POGLUT3: variants seen among roughly 807,000 people sequenced by gnomAD.
The protein encoded by POGLUT3 is KDEL (Lys-Asp-Glu-Leu) containing 2.
POGLUT3 carries 48 observed loss-of-function variants against 54.3 expected under a neutral mutation model. The observed-to-expected ratio is 0.88, with a 90% confidence interval of 0.70 to 1.12. The LOEUF (loss-of-function observed/expected upper bound fraction) is 1.12. POGLUT3 is among the 50% of genes most tolerant of loss of function. POGLUT3 has a pLI of 0.00. For synonymous variants in POGLUT3, 218 were observed against 237.4 expected (o/e 0.92, Z 0.75); for missense variants, 629 against 618.7 (o/e 1.02, Z -0.18).
intron 2 of POGLUT3, chr11:108,486,953 A>G (rs2093604614): frequency 6.5e-6 from 1 of 154,164 alleles, no homozygotes; most frequent in African/African-American, 2.4e-5. Flanking sequence ...CTAGCTGACC[A>G]GCATTAACAT....
chr11:108,492,752 T>C (rs2093615509), intron 1 of POGLUT3, among the ~76,000 whole-genome samples: 1 of 152,152 alleles, frequency 6.6e-6, no homozygotes, highest in African/African-American at 2.4e-5. Context: ...ACGAAATAAA[T>C]CTGCTAACCT....
Position 108,486,355 on chromosome 11 carries a change from C to T in POGLUT3, c.486G>A (p.Gln162=), listed in dbSNP as rs371818874. 79 of 1,614,048 alleles carry T rather than the reference C, an allele frequency of 4.9e-5. No homozygotes were observed. The highest frequency in any genetic ancestry group is 6.5e-5 in the Non-Finnish European group (77 of 1,180,038). Reference sequence around the variant, plus strand: ...GAAAGGAAGCAAAATCTTTTGCAATCTGTGGTTCCTTGGTTGGACAAGAAA... The same window carrying T: ...GAAAGGAAGCAAAATCTTTTGCAATTTGTGGTTCCTTGGTTGGACAAGAAA... ...KTLSCPTKEP[Q]IAKDFASFPS... The change falls in exon 3 of 8, where the codon CAG becomes CAA. Residue 162 remains glutamine, a synonymous_variant. Transcript: ENST00000323468.
intron 2 of POGLUT3, among the ~76,000 whole-genome samples, chr11:108,489,818 T>A (rs1330779021): frequency 6.6e-6 from 1 of 152,200 alleles, no homozygotes; most frequent in Non-Finnish European, 1.5e-5. Context: ...TGGTGGTATG[T>A]GCCTGCAGTC....
At position 108,472,476 on chromosome 11, in the gene POGLUT3, A is replaced by G. The variant is rs1422524841; in HGVS notation, c.*2351T>C. ...AGAAAGCCATTAACACTAACTCTTTAAAGGCTGCGGCTGAATTGGCGAGAT... is the reference window on the plus strand; with the variant it reads ...AGAAAGCCATTAACACTAACTCTTTGAAGGCTGCGGCTGAATTGGCGAGAT... On this transcript the variant is annotated 3_prime_UTR_variant, in exon 8 of 8. Transcript: ENST00000323468. 2.0e-5 allele frequency: 3 copies of G among 152,224 alleles called. No homozygotes were observed. Among genetic ancestry groups the G allele is most frequent in the Non-Finnish European group, 4.4e-5 (3 of 68,040 alleles). The allele number at this position is 152,224 out of a possible 1,614,324, so 9.4% of individuals were successfully genotyped here. A position where few individuals can be genotyped will look rare whatever the true frequency, so the allele number is the denominator to read the frequency against.
chr11:108,474,722 G>C lies in POGLUT3; in HGVS notation c.*105C>G. 7.5e-7 allele frequency: 1 copy of C among 1,333,762 alleles called. No individual in the cohort carries two copies. Among genetic ancestry groups the C allele is most frequent in the Admixed American group, 2.1e-5 (1 of 48,398 alleles). 82.6% of individuals were successfully genotyped at this position (1,333,762 alleles called of 1,614,324 possible). ...ATCTACATATATAAAGCCACCGGGA[G>C]AACTAGTCCACTTGGTGCAGTCTTC... On this transcript the variant is annotated 3_prime_UTR_variant, in exon 8 of 8. Coordinates refer to ENST00000323468, the MANE Select transcript of POGLUT3 (RefSeq NM_153705.5).
intron 1 of POGLUT3, 116 bp from the exon 2 acceptor site, chr11:108,491,283 TA>T (rs995240126): frequency 6.2e-4 from 478 of 764,856 alleles, no homozygotes; most frequent in South Asian, 7.4e-4. Context: ...CATTGGTGGT[TA>T]AAAAAAAATC....
In POGLUT3 at chr11:108,481,383, G is replaced by A. The variant is rs2093592228; in HGVS notation, c.902-7C>T. On this transcript the variant is annotated splice_polypyrimidine_tract_variant and splice_region_variant and intron_variant, in intron 4 of 7. Coordinates refer to ENST00000323468, the MANE Select transcript of POGLUT3 (RefSeq NM_153705.5). ...TTATTGATCCAGGAAGGCCCTACAA[G>A]TTTGAAGCCATAAAAAAATTAGGAT... The A allele has an allele frequency of 6.5e-7, 1 of 1,549,362 alleles. No homozygotes were observed. The highest frequency in any genetic ancestry group is 2.3e-5 in the Admixed American group (1 of 43,422).
Position 108,482,169 on chromosome 11 carries a change from C to A in POGLUT3, c.738G>T (p.Glu246Asp). 3 of 1,614,094 alleles carry A rather than the reference C, an allele frequency of 1.9e-6. No homozygotes were observed. The highest frequency in any genetic ancestry group is 2.5e-6 in the Non-Finnish European group (3 of 1,179,992). ...FYVNLGDWPLEHRKVNGTPSP... is the reference protein window; with the variant it reads ...FYVNLGDWPLDHRKVNGTPSP... ...TAGGGGTTCCATTGACTTTTCGATG[C>A]TCCAAGGGCCAATCTCCAAGATTAA... Residue 246 changes from glutamate (E) to aspartate (D), a missense_variant, in exon 4 of 8, where the codon GAG becomes GAT. By Grantham distance (45) the Glu-to-Asp change is conservative (BLOSUM62 2). Coordinates refer to ENST00000323468, the MANE Select transcript of POGLUT3 (RefSeq NM_153705.5).
intron 4 of POGLUT3, 59 bp downstream of exon 4, chr11:108,481,947 T>A (rs2093593475): frequency 7.5e-7 from 1 of 1,326,064 alleles, no homozygotes; most frequent in Non-Finnish European, 1.1e-6. Flanking sequence ...CATATATGTA[T>A]AACCCACTCT....
chr11:108,482,795 A>C (rs1421022077), intron 3 of POGLUT3, among the ~76,000 whole-genome samples: 1 of 152,184 alleles, frequency 6.6e-6, no homozygotes. Context: ...GTGTTAGAGA[A>C]GTGAAAATTG....
intron 5 of POGLUT3, among the ~76,000 whole-genome samples, chr11:108,480,895 CA>C (rs146910035): frequency 1.3e-3 from 167 of 130,362 alleles, no homozygotes; most frequent in African/African-American, 2.0e-3. Flanking sequence ...AAAGCAAATA[CA>C]AAAAAAAAAA....
Position 108,483,227 on chromosome 11 carries a change from C to T in POGLUT3, c.685-1005G>A, listed in dbSNP as rs116498766. On this transcript the variant is annotated intron_variant, in intron 3 of 7. Coordinates refer to ENST00000323468, the MANE Select transcript of POGLUT3 (RefSeq NM_153705.5). ...GGCATTCAAGGCCTCACAATCTTGT[C>T]CCAGCTTGGCTATAAGCCTCATCTT... 8.5e-3 allele frequency among the ~76,000 whole-genome samples: 1,294 copies of T among 152,356 alleles called. 20 individuals are homozygous for T. The highest frequency in any genetic ancestry group is 0.029 in the African/African-American group (1,215 of 41,582).
intron 1 of POGLUT3, among the ~76,000 whole-genome samples, chr11:108,493,378 TGG>T (rs2093616423): frequency 6.6e-6 from 1 of 152,210 alleles, no homozygotes; most frequent in South Asian, 2.1e-4. Context: ...CAAGATAATA[TGG>T]ATCAGGACTG....
At chr11:108,477,019 G>C (rs902740582) in intron 7 of POGLUT3, among the ~76,000 whole-genome samples, 4 of 152,178 alleles carry the variant, frequency 2.6e-5, no homozygotes, top group Admixed American at 2.6e-4. Context: ...TTTAATAAAA[G>C]AGAGCACTGA....
At chr11:108,487,850 G>A (rs1343183484) in intron 2 of POGLUT3, among the ~76,000 whole-genome samples, 1 of 152,060 alleles carries the variant, frequency 6.6e-6, no homozygotes, top group Non-Finnish European at 1.5e-5. Flanking sequence ...GACCTCAGGT[G>A]ATCCACCTGC....
chr11:108,476,130 G>A (rs1278980942), intron 7 of POGLUT3, among the ~76,000 whole-genome samples: 1 of 151,962 alleles, frequency 6.6e-6, no homozygotes, highest in Non-Finnish European at 1.5e-5. Context: ...CTAGGTGACC[G>A]AGTAAGAAAT....
intron 7 of POGLUT3, among the ~76,000 whole-genome samples, chr11:108,476,639 TA>T (rs1054897312): frequency 2.1e-4 from 32 of 152,220 alleles, no homozygotes; most frequent in Non-Finnish European, 2.9e-5. Context: ...AAATTTAGGT[TA>T]AAAACAAGAA....
chr11:108,491,819 G>A (rs1047612855), intron 1 of POGLUT3, among the ~76,000 whole-genome samples: 5 of 152,014 alleles, frequency 3.3e-5, no homozygotes, highest in African/African-American at 1.2e-4. Context: ...TGCTTATTTG[G>A]TCTTTCCTCC....
intron 1 of POGLUT3, among the ~76,000 whole-genome samples, chr11:108,493,981 G>A (rs948898123): frequency 1.4e-4 from 21 of 152,112 alleles, no homozygotes; most frequent in African/African-American, 5.1e-4. Flanking sequence ...GTTTGATTTG[G>A]TAAGAAATCA....
Sources: gnomAD v4.1 joint callset for allele counts (sites outside exome capture counted in the v4.1 genomes callset) on GRCh38, gnomAD v4.1.1 for gene constraint, MANE v1.5 for transcripts, NCBI Gene and HGNC (gene_info 2026-07-23, HGNC 2026-07-21) for gene names.